NPIPB2: variants seen among roughly 807,000 people sequenced by gnomAD.
The protein encoded by NPIPB2 is nuclear pore complex-interacting protein family member B2.
NPIPB2 carries 27 observed loss-of-function variants against 30.8 expected under a neutral mutation model. The ratio of observed to expected loss-of-function variants is 0.88; its 90% CI spans 0.65 to 1.21. NPIPB2 has a LOEUF of 1.21. NPIPB2 is among the 50% of genes most tolerant of loss of function. The probability of loss-of-function intolerance (pLI) is 0.00; values close to 1 mark genes in which losing one functional copy is unlikely to be tolerated. For missense variants in NPIPB2, 440 were observed against 446.2 expected (o/e 0.99, Z 0.13); for synonymous variants, 147 against 162.0 (o/e 0.91, Z 0.70).
chr16:11,947,598 C>A (rs950770328), intron 1 of NPIPB2, among the ~76,000 whole-genome samples: 5 of 151,792 alleles, frequency 3.3e-5, no homozygotes, highest in African/African-American at 1.2e-4. Flanking sequence ...CCCACCTCGG[C>A]CTCCCAAAAT....
At chr16:11,949,374 G>T (rs369729351) in intron 1 of NPIPB2, among the ~76,000 whole-genome samples, 1 of 152,132 alleles carries the variant, frequency 6.6e-6, no homozygotes, top group South Asian at 2.1e-4. Context: ...TGTGACCAGC[G>T]CTACATAGCT....
intron 1 of NPIPB2, among the ~76,000 whole-genome samples, chr16:11,950,704 T>A (rs1438899468): frequency 6.6e-6 from 1 of 152,024 alleles, no homozygotes; most frequent in African/African-American, 2.4e-5. Flanking sequence ...GCTCCCTCCC[T>A]CCTCTCATCC....
intron 1 of NPIPB2, among the ~76,000 whole-genome samples, chr16:11,938,625 C>G (rs2054898678): frequency 6.6e-6 from 1 of 151,882 alleles, no homozygotes; most frequent in South Asian, 2.1e-4. Context: ...GCCACTGTAC[C>G]TGGCCAAAAT....
At chr16:11,955,511 C>G (rs1453812043) in intron 1 of NPIPB2, among the ~76,000 whole-genome samples, 1 of 151,522 alleles carries the variant, frequency 6.6e-6, no homozygotes, top group African/African-American at 2.4e-5. Flanking sequence ...AGATCGAAAC[C>G]ACCCTGGCCA....
chr16:11,972,506 C>G (rs974378287), intron 1 of NPIPB2, among the ~76,000 whole-genome samples: 3 of 151,686 alleles, frequency 2.0e-5, no homozygotes. Context: ...ACCTGGGAGG[C>G]GGAGGTTGCA....
At chr16:11,951,460 C>CAAAAAAAAAAA (rs144775580) in intron 1 of NPIPB2, among the ~76,000 whole-genome samples, 3 of 49,826 alleles carry the variant, frequency 6.0e-5, no homozygotes, top group Non-Finnish European at 6.8e-5. Flanking sequence ...AAGACTGTCT[C>CAAAAAAAAAAA]AAAAAAAAAA....
chr16:11,946,485 A>C (rs958091685), upstream of NPIPB2, among the ~76,000 whole-genome samples: 3 of 148,052 alleles, frequency 2.0e-5, no homozygotes, highest in African/African-American at 5.0e-5. Flanking sequence ...AGGTGGGGGG[A>C]TAGTTTTAGC....
At chr16:11,930,388 G>A (rs2054775096) in intron 5 of NPIPB2, 62 bp downstream of exon 5, 5 of 1,426,502 alleles carry the variant, frequency 3.5e-6, no homozygotes, top group Non-Finnish European at 3.8e-6. Flanking sequence ...ATTGTACAAA[G>A]GTTAAAAACA....
At chr16:11,937,489 A>G in intron 2 of NPIPB2, 51 bp downstream of exon 2, 1 of 927,982 alleles carries the variant, frequency 1.1e-6, no homozygotes, top group South Asian at 1.6e-5. Context: ...TATATAATTT[A>G]TTCTTATTTG....
chr16:11,970,604 T>C (rs2150944453), intron 1 of NPIPB2, among the ~76,000 whole-genome samples: 1 of 152,164 alleles, frequency 6.6e-6, no homozygotes, highest in South Asian at 2.1e-4. Flanking sequence ...GGTACGATCT[T>C]GGCTCACTGC....
chr16:11,927,386 C>T (rs1429995416), exon 8 of NPIPB2: 29 of 913,064 alleles, frequency 3.2e-5, no homozygotes, highest in Non-Finnish European at 4.7e-5. Context: ...GGCTTGAGTG[C>T]AATGGCCTGT....
upstream of NPIPB2, among the ~76,000 whole-genome samples, chr16:11,944,226 C>G (rs545687230): frequency 6.7e-6 from 1 of 149,280 alleles, no homozygotes; most frequent in South Asian, 2.1e-4. Context: ...TTGGAATGCA[C>G]TATTGCGGTC....
At chr16:11,965,174 C>G in intron 1 of NPIPB2, 1 of 902,656 alleles carries the variant, frequency 1.1e-6, no homozygotes, top group Admixed American at 2.3e-5. Context: ...AAGACACAGA[C>G]AGCCCCCGTA....
At chr16:11,958,825 T>G (rs1327567991) in intron 1 of NPIPB2, among the ~76,000 whole-genome samples, 5 of 152,270 alleles carry the variant, frequency 3.3e-5, no homozygotes, top group Middle Eastern at 6.8e-3. Flanking sequence ...TTTGGGGAGC[T>G]GAGCTACCAT....
At chr16:11,962,384 G>A (rs1014315590) in intron 1 of NPIPB2, among the ~76,000 whole-genome samples, 11 of 150,734 alleles carry the variant, frequency 7.3e-5, no homozygotes, top group Admixed American at 2.6e-4. Flanking sequence ...CTGTAATCCC[G>A]GATCATGAGG....
At chr16:11,972,274 C>CTT (rs1172484274) in intron 1 of NPIPB2, among the ~76,000 whole-genome samples, 8 of 152,106 alleles carry the variant, frequency 5.3e-5, no homozygotes, top group African/African-American at 1.9e-4. Flanking sequence ...TAAATGTTTC[C>CTT]TACTAAGGAG....
At chr16:11,955,500 A>G (rs2055102792) in intron 1 of NPIPB2, among the ~76,000 whole-genome samples, 1 of 151,204 alleles carries the variant, frequency 6.6e-6, no homozygotes, top group South Asian at 2.1e-4. Context: ...ATAAGGTCAG[A>G]AGATCGAAAC....
intron 1 of NPIPB2, chr16:11,941,351 G>C (rs1424365698): frequency 3.2e-6 from 1 of 310,312 alleles, no homozygotes; most frequent in Non-Finnish European, 5.8e-6. Flanking sequence ...AGTTGGGGAG[G>C]GGGAGGGGAG....
intron 1 of NPIPB2, among the ~76,000 whole-genome samples, chr16:11,975,301 C>T (rs2055273164): frequency 7.1e-6 from 1 of 141,750 alleles, no homozygotes; most frequent in African/African-American, 2.6e-5. Context: ...GCGCCCGCCA[C>T]TACGCCCGGC....
Sources: allele counts gnomAD v4.1 joint callset (sites outside exome capture counted in the v4.1 genomes callset), GRCh38; gene constraint gnomAD v4.1.1; transcripts MANE v1.5; gene names NCBI Gene and HGNC (gene_info 2026-07-23, HGNC 2026-07-21).